POLI: variants seen among roughly 807,000 people sequenced by gnomAD.
POLI encodes DNA polymerase iota.
POLI carries 58 observed loss-of-function variants against 51.6 expected under a neutral mutation model. The observed-to-expected ratio is 1.12, with a 90% confidence interval of 0.91 to 1.40. POLI has a LOEUF of 1.40. POLI is among the 40% of genes most tolerant of loss of function. The pLI, the probability that POLI is intolerant of heterozygous loss-of-function variation, is 0.00. For synonymous variants in POLI, 322 were observed against 299.7 expected, an observed-to-expected ratio of 1.07 and a Z score of -0.77; for missense variants, 921 against 871.3, an observed-to-expected ratio of 1.06 and a Z score of -0.72.
intron 3 of POLI, among the ~76,000 whole-genome samples, chr18:54,316,903 G>T (rs1012825667): frequency 6.6e-6 from 1 of 152,118 alleles, no homozygotes; most frequent in African/African-American, 2.4e-5. Flanking sequence ...TTGATTGAGG[G>T]TTGCTATTTG....
At chr18:54,320,769 G>C (rs2088779778) in intron 4 of POLI, among the ~76,000 whole-genome samples, 1 of 151,570 alleles carries the variant, frequency 6.6e-6, no homozygotes, top group African/African-American at 2.4e-5. Flanking sequence ...TTATGATATA[G>C]TTTTTAATGA....
intron 1 of POLI, chr18:54,269,905 G>T: frequency 4.9e-6 from 6 of 1,236,046 alleles, no homozygotes; most frequent in Non-Finnish European, 5.1e-6. Flanking sequence ...GTTTATCTGC[G>T]CCGTCCTTTC....
intron 3 of POLI, among the ~76,000 whole-genome samples, chr18:54,275,805 T>C (rs1174748083): frequency 6.6e-6 from 1 of 152,232 alleles, no homozygotes; most frequent in Non-Finnish European, 1.5e-5. Context: ...CTAGTACTTT[T>C]TGTGTTAGGT....
chr18:54,317,427 T>G (rs778972580), intron 3 of POLI, among the ~76,000 whole-genome samples: 29 of 152,168 alleles, frequency 1.9e-4, no homozygotes, highest in Non-Finnish European at 2.8e-4. Context: ...ATAAAGCAAC[T>G]TCATTATTAG....
chr18:54,291,832 G>T lies in POLI; in HGVS notation c.1199-1G>T. 7.0e-7 allele frequency: 1 copy of T among 1,426,112 alleles called. No individual in the cohort carries two copies. The highest frequency in any genetic ancestry group is 2.3e-5 in the East Asian group (1 of 43,604). 88.3% of individuals were successfully genotyped at this position (1,426,112 alleles called of 1,614,324 possible). ...TGTTTATTCTTAAACATTTTATTTA[G>T]GAAATTATGATGTGATGACCCCAAT... On this transcript the variant is annotated splice_acceptor_variant, in intron 8 of 9. Coordinates refer to ENST00000579534, the MANE Select transcript of POLI (RefSeq NM_007195.3). LOFTEE classifies it high-confidence loss of function.
At chr18:54,271,577 GAA>G in intron 2 of POLI, 92 bp downstream of exon 2, 1 of 941,208 alleles carries the variant, frequency 1.1e-6, no homozygotes, top group Non-Finnish European at 1.5e-6. Context: ...ACCTTATTAA[GAA>G]AGATTTTGGA....
At chr18:54,305,604 G>T (rs1364014250) in intron 3 of POLI, among the ~76,000 whole-genome samples, 1 of 142,974 alleles carries the variant, frequency 7.0e-6, no homozygotes, top group Non-Finnish European at 1.6e-5. Flanking sequence ...TTTGCACATT[G>T]ATTTTGTGTC....
chr18:54,319,560 C>G (rs940371477), intron 3 of POLI, among the ~76,000 whole-genome samples: 3 of 152,056 alleles, frequency 2.0e-5, no homozygotes, highest in Non-Finnish European at 4.4e-5. Flanking sequence ...ATAGAAAAAT[C>G]TAAGTTCAGA....
At chr18:54,281,904 C>G (rs2087519900) in intron 5 of POLI, among the ~76,000 whole-genome samples, 1 of 152,044 alleles carries the variant, frequency 6.6e-6, no homozygotes, top group African/African-American at 2.4e-5. Context: ...GCAAGAAAAC[C>G]AGATAACTGT....
intron 1 of POLI, chr18:54,270,240 A>C (rs1444518232): frequency 1.2e-5 from 2 of 163,102 alleles, no homozygotes; most frequent in African/African-American, 4.8e-5. Context: ...GTCTCCCTGC[A>C]GCCTCGAACC....
chr18:54,314,363 A>G (rs2088705897), intron 3 of POLI, among the ~76,000 whole-genome samples: 1 of 152,122 alleles, frequency 6.6e-6, no homozygotes, highest in South Asian at 2.1e-4. Context: ...GTTCTGCTGG[A>G]TTCAGATTGT....
intron 1 of POLI, chr18:54,271,055 A>G (rs1410321394): frequency 1.0e-5 from 2 of 193,394 alleles, no homozygotes; most frequent in Non-Finnish European, 1.0e-5. Context: ...ACTAAGAGCT[A>G]CTATAAACTT....
rs768413415 is a variant in POLI, at chr18:54,294,425, G to A, written c.2181G>A (p.Glu727=). 2 of 1,611,314 alleles carry A rather than the reference G, an allele frequency of 1.2e-6. No homozygotes were observed. The highest frequency in any genetic ancestry group is 4.5e-5 in the East Asian group (2 of 44,868). The change falls in exon 10 of 10, where the codon GAG becomes GAA. Residue 727 remains glutamate, a synonymous_variant. Transcript: ENST00000579534. ...CAGTACAAAAGGAACTGCTGGCAGAGTGGAAGAGAGCAGGATCAGATTTCC... is the reference window on the plus strand; with the variant it reads ...CAGTACAAAAGGAACTGCTGGCAGAATGGAAGAGAGCAGGATCAGATTTCC... ...PEAVQKELLA[E]WKRAGSDFHI... is the part of the protein sequence containing the mutation.
intron 2 of POLI, 61 bp from the exon 3 acceptor site, chr18:54,273,865 A>C: frequency 1.1e-6 from 1 of 869,912 alleles, no homozygotes; most frequent in African/African-American, 1.8e-5. Flanking sequence ...TACGGAATTA[A>C]TAATATCTTT....
chr18:54,302,538 A>G (rs2088510041), downstream of POLI, among the ~76,000 whole-genome samples: 1 of 152,222 alleles, frequency 6.6e-6, no homozygotes. Flanking sequence ...AGATTCTTTG[A>G]TACAGGCATG....
chr18:54,275,981 A>ATT (rs142568896), intron 3 of POLI, among the ~76,000 whole-genome samples: 11 of 149,096 alleles, frequency 7.4e-5, no homozygotes, highest in Non-Finnish European at 8.9e-5. Context: ...TCTTCAAGGT[A>ATT]TTTTTTTTTT....
Position 54,308,441 on chromosome 18 carries a change from C to T in POLI, c.334-11832C>T, listed in dbSNP as rs551004968. ...CTCTTCTGGCTTGTACAATTTCTGC[C>T]GAGCGATCCGCTGTTAGTCTGATGG... On this transcript the variant is annotated intron_variant, in intron 3 of 4. Coordinates refer to the POLI transcript ENST00000579823. Among the ~76,000 whole-genome samples the T allele has an allele frequency of 7.9e-5, 12 of 152,292 alleles. No homozygotes were observed. In the South Asian group the frequency reaches 1.0e-3, roughly 13 times the overall value.
intron 5 of POLI, among the ~76,000 whole-genome samples, chr18:54,281,807 C>T (rs2087513139): frequency 6.8e-6 from 1 of 147,750 alleles, no homozygotes; most frequent in African/African-American, 2.5e-5. Flanking sequence ...TGCCAACCTT[C>T]TTTTTTTTCT....
Position 54,298,107 on chromosome 18 carries a change from C to T in POLI, c.*3640C>T, listed in dbSNP as rs2088420883. The stretch of plus-strand genomic sequence containing the variant: ...TCTTCCATCAAATCTGGATTGTTTT[C>T]AATATTAAAAAAACTTCTATTTTAA... On this transcript the variant is annotated 3_prime_UTR_variant, in exon 10 of 10. Coordinates refer to ENST00000579534, the MANE Select transcript of POLI (RefSeq NM_007195.3). The T allele has an allele frequency of 1.1e-6, 1 of 948,262 alleles. No homozygotes were observed. Among genetic ancestry groups the T allele is most frequent in the Non-Finnish European group, 1.3e-6 (1 of 796,478 alleles). The allele number at this position is 948,262 out of a possible 1,614,324, so 58.7% of individuals were successfully genotyped here.
Sources: allele counts gnomAD v4.1 joint callset (sites outside exome capture counted in the v4.1 genomes callset), GRCh38; gene constraint gnomAD v4.1.1; transcripts MANE v1.5; gene names NCBI Gene and HGNC (gene_info 2026-07-23, HGNC 2026-07-21).